Variants in LCA5 observed in about 807,000 individuals in gnomAD.
LCA5 encodes lebercilin.
In LCA5, 37 loss-of-function variants were observed where a neutral mutation model predicts 53.0. The ratio of observed to expected loss-of-function variants is 0.70; its 90% CI spans 0.54 to 0.92. The LOEUF (loss-of-function observed/expected upper bound fraction) is 0.92, where lower values mean the gene tolerates loss of function less well. Among genes scored for constraint, LCA5 ranks in the 40% least tolerant of loss-of-function variants. LCA5 has a pLI of 0.00. For synonymous variants in LCA5, 303 were observed against 282.9 expected, an observed-to-expected ratio of 1.07 and a Z score of -0.71; for missense variants, 806 against 790.5, an observed-to-expected ratio of 1.02 and a Z score of -0.23.
At chr6:79,508,333 G>T (rs1047744607) in intron 3 of LCA5, among the ~76,000 whole-genome samples, 1 of 152,094 alleles carries the variant, frequency 6.6e-6, no homozygotes, top group African/African-American at 2.4e-5. Context: ...TACTCCGTTC[G>T]TAAATTACTA....
chr6:79,498,089 G>A (rs1770032642), intron 3 of LCA5, among the ~76,000 whole-genome samples: 1 of 151,432 alleles, frequency 6.6e-6, no homozygotes, highest in Admixed American at 6.6e-5. Context: ...TTCTATAAAG[G>A]GCATAATCCC....
chr6:79,520,580 T>C (rs1227146905), intron 1 of LCA5, among the ~76,000 whole-genome samples: 5 of 152,120 alleles, frequency 3.3e-5, no homozygotes, highest in African/African-American at 1.2e-4. Flanking sequence ...CTGATGAAAT[T>C]AGTATTAAAA....
intron 3 of LCA5, 139 bp from the exon 4 acceptor site, chr6:79,493,889 A>G: frequency 1.6e-6 from 1 of 626,268 alleles, no homozygotes; most frequent in Non-Finnish European, 2.7e-6. Context: ...ATTCATGTAC[A>G]TAAGCTGGGA....
intron 1 of LCA5, among the ~76,000 whole-genome samples, chr6:79,519,499 C>T (rs926423920): frequency 4.6e-5 from 7 of 151,564 alleles, no homozygotes; most frequent in South Asian, 2.1e-4. Flanking sequence ...TTTGGGAGGC[C>T]GAGGCGGGCA....
chr6:79,498,797 G>T (rs144936782), intron 3 of LCA5, among the ~76,000 whole-genome samples: 288 of 152,020 alleles, frequency 1.9e-3, no homozygotes, highest in African/African-American at 6.4e-3. Context: ...ACTCCCAAAT[G>T]AGGAATAAAT....
At chr6:79,524,326 T>C (rs1033989357) in intron 1 of LCA5, among the ~76,000 whole-genome samples, 1 of 152,186 alleles carries the variant, frequency 6.6e-6, no homozygotes, top group African/African-American at 2.4e-5. Flanking sequence ...CTTAAATAAT[T>C]TCTTCAGAAA....
At chr6:79,504,157 A>T (rs1228401400) in intron 3 of LCA5, among the ~76,000 whole-genome samples, 1 of 152,184 alleles carries the variant, frequency 6.6e-6, no homozygotes, top group Non-Finnish European at 1.5e-5. Flanking sequence ...TAGAGTCCTG[A>T]TATTAACAAA....
chr6:79,490,206 C>T (rs997171589), intron 6 of LCA5, among the ~76,000 whole-genome samples: 2 of 152,072 alleles, frequency 1.3e-5, no homozygotes, highest in African/African-American at 4.8e-5. Context: ...AGCTTGTACT[C>T]TAAGCTACCA....
At chr6:79,521,665 C>A (rs576096957) in intron 1 of LCA5, among the ~76,000 whole-genome samples, 2 of 152,092 alleles carry the variant, frequency 1.3e-5, no homozygotes, top group African/African-American at 2.4e-5. Context: ...TTAAAAAAAA[C>A]TTCTTCACTT....
intron 3 of LCA5, among the ~76,000 whole-genome samples, chr6:79,499,449 A>G (rs999470655): frequency 6.6e-6 from 1 of 152,090 alleles, no homozygotes; most frequent in Non-Finnish European, 1.5e-5. Context: ...TCAGTTTAAG[A>G]TCTTAATGTC....
intron 3 of LCA5, among the ~76,000 whole-genome samples, chr6:79,512,872 T>C (rs779221645): frequency 6.6e-5 from 10 of 152,154 alleles, no homozygotes; most frequent in Non-Finnish European, 1.3e-4. Flanking sequence ...ACAGAAGTCA[T>C]TGTTCATGTG....
At chr6:79,491,333 G>T (rs1305482851) in intron 6 of LCA5, among the ~76,000 whole-genome samples, 2 of 151,998 alleles carry the variant, frequency 1.3e-5, no homozygotes, top group Non-Finnish European at 2.9e-5. Flanking sequence ...CAACGTGCAG[G>T]TTTGTTACAT....
intron 3 of LCA5, among the ~76,000 whole-genome samples, chr6:79,509,221 G>A (rs1295073942): frequency 2.0e-5 from 3 of 152,146 alleles, no homozygotes; most frequent in African/African-American, 7.2e-5. Flanking sequence ...TTGGGAGGCC[G>A]AGGTGGGTGG....
chr6:79,499,888 T>G (rs1463242821), intron 3 of LCA5, among the ~76,000 whole-genome samples: 1 of 143,266 alleles, frequency 7.0e-6, no homozygotes, highest in African/African-American at 2.6e-5. Context: ...GATGTTCCCC[T>G]TCCTGTGTCC....
At chr6:79,489,633 G>C (rs910036970) in intron 6 of LCA5, among the ~76,000 whole-genome samples, 2 of 152,020 alleles carry the variant, frequency 1.3e-5, no homozygotes, top group Non-Finnish European at 2.9e-5. Context: ...ACAATATTAT[G>C]TCCAACCCCC....
chr6:79,490,061 A>G (rs1769794810), intron 6 of LCA5, among the ~76,000 whole-genome samples: 1 of 152,106 alleles, frequency 6.6e-6, no homozygotes, highest in Non-Finnish European at 1.5e-5. Flanking sequence ...GAATATCAAC[A>G]AGACAGGGGG....
chr6:79,507,787 T>C (rs952223946), intron 3 of LCA5, among the ~76,000 whole-genome samples: 9 of 151,994 alleles, frequency 5.9e-5, no homozygotes, highest in Admixed American at 6.6e-5. Context: ...CAGGTGGAGG[T>C]TGTTAGGGGG....
At chr6:79,525,443 G>A (rs1766755988) in intron 1 of LCA5, among the ~76,000 whole-genome samples, 1 of 152,174 alleles carries the variant, frequency 6.6e-6, no homozygotes, top group African/African-American at 2.4e-5. Context: ...AATTAGGAGA[G>A]TGGTCATAGC....
intron 1 of LCA5, among the ~76,000 whole-genome samples, chr6:79,524,601 T>C (rs868052006): frequency 2.8e-4 from 43 of 152,284 alleles, no homozygotes; most frequent in African/African-American, 7.9e-4. Flanking sequence ...TTGAGCTCTA[T>C]GTAGCAGTAA....
Sources: allele counts gnomAD v4.1 joint callset (sites outside exome capture counted in the v4.1 genomes callset), GRCh38; gene constraint gnomAD v4.1.1; transcripts MANE v1.5; gene names NCBI Gene and HGNC (gene_info 2026-07-23, HGNC 2026-07-21).